The following LRRC8B variants were observed in gnomAD, a reference collection of about 807,000 sequenced individuals.
LRRC8B encodes leucine rich repeat containing 8 VRAC subunit B, also known as volume-regulated anion channel subunit LRRC8B.
Under a neutral mutation model 58.8 loss-of-function variants are expected in LRRC8B, and 23 were observed. That is an observed-to-expected ratio of 0.39 (90% CI 0.28 to 0.55). LRRC8B has a LOEUF of 0.55. LRRC8B is among the 20% of genes least tolerant of loss of function. The probability of loss-of-function intolerance (pLI) is 0.62; values close to 1 mark genes in which losing one functional copy is unlikely to be tolerated. For synonymous variants in LRRC8B, 359 were observed against 374.1 expected, an observed-to-expected ratio of 0.96 and a Z score of 0.47; for missense variants, 694 against 936.0, an observed-to-expected ratio of 0.74 and a Z score of 3.37.
intron 1 of LRRC8B, among the ~76,000 whole-genome samples, chr1:89,525,960 G>A (rs139390445): frequency 1.1e-4 from 17 of 152,254 alleles, no homozygotes; most frequent in African/African-American, 3.9e-4. Flanking sequence ...TTTGTTCAGC[G>A]TATATTAAGA....
intron 1 of LRRC8B, among the ~76,000 whole-genome samples, chr1:89,535,785 C>G (rs940631199): frequency 2.6e-5 from 4 of 151,942 alleles, no homozygotes; most frequent in Admixed American, 6.6e-5. Context: ...AAGTCTTAAT[C>G]CCACTGGAAA....
At chr1:89,585,264 G>C (rs1346489492) in intron 5 of LRRC8B, among the ~76,000 whole-genome samples, 1 of 152,266 alleles carries the variant, frequency 6.6e-6, no homozygotes, top group Non-Finnish European at 1.5e-5. Flanking sequence ...TGGTGAAAAA[G>C]ATTTGAAATC....
chr1:89,531,409 C>G (rs1363038374), intron 1 of LRRC8B, among the ~76,000 whole-genome samples: 1 of 152,116 alleles, frequency 6.6e-6, no homozygotes, highest in East Asian at 1.9e-4. Context: ...TATATACCAT[C>G]TTGAGGTAAC....
intron 1 of LRRC8B, among the ~76,000 whole-genome samples, chr1:89,541,767 C>CTCCATAACTTG (rs1651011878): frequency 7.8e-6 from 1 of 128,450 alleles, no homozygotes; most frequent in Non-Finnish European, 1.6e-5. Context: ...GTCTGAGAGA[C>CTCCATAACTTG]TCCATAACTT....
At chr1:89,528,034 T>A (rs1649828779) in intron 1 of LRRC8B, among the ~76,000 whole-genome samples, 1 of 152,224 alleles carries the variant, frequency 6.6e-6, no homozygotes, top group Non-Finnish European at 1.5e-5. Context: ...TTTTTGCTGC[T>A]TTTGATATGG....
chr1:89,556,187 C>G (rs1274501860), intron 1 of LRRC8B, among the ~76,000 whole-genome samples: 4 of 152,040 alleles, frequency 2.6e-5, no homozygotes, highest in African/African-American at 9.7e-5. Flanking sequence ...CATAAAAACC[C>G]CTAAACAATG....
chr1:89,548,664 A>G (rs1232972109), intron 1 of LRRC8B, among the ~76,000 whole-genome samples: 2 of 152,202 alleles, frequency 1.3e-5, no homozygotes, highest in East Asian at 1.9e-4. Context: ...GGGCTGAAAC[A>G]GATACTGCAA....
Position 89,582,635 on chromosome 1 carries a change from C to T in LRRC8B, c.-16C>T, listed in dbSNP as rs1654316765. On this transcript the variant is annotated 5_prime_UTR_variant, in exon 5 of 6. Transcript: ENST00000330947. ...ATTTCCCTCTTCCAGTTTCTGTCCTCCTACAAGGGAAAGTCATGATTACAC... is the reference window on the plus strand; with the variant it reads ...ATTTCCCTCTTCCAGTTTCTGTCCTTCTACAAGGGAAAGTCATGATTACAC... 6.3e-7 allele frequency: 1 copy of T among 1,583,700 alleles called. No individual in the cohort carries two copies.
chr1:89,584,929 T>C, intron 5 of LRRC8B, 140 bp downstream of exon 5: 1 of 593,074 alleles, frequency 1.7e-6, no homozygotes, highest in South Asian at 3.0e-5. Context: ...ACCAAAACAC[T>C]GAGCATCCAT....
chr1:89,553,026 C>T (rs1651935265), intron 1 of LRRC8B, among the ~76,000 whole-genome samples: 1 of 152,098 alleles, frequency 6.6e-6, no homozygotes, highest in Admixed American at 6.6e-5. Flanking sequence ...GCACACAAGC[C>T]TGTTGCTGGG....
Position 89,595,653 on chromosome 1 carries a change from A to C in LRRC8B, c.*2610A>C, listed in dbSNP as rs1486608166. The C allele has an allele frequency of 6.6e-6, 1 of 152,132 alleles. No homozygotes were observed. Among genetic ancestry groups the C allele is most frequent in the East Asian group, 1.9e-4 (1 of 5,206 alleles). 9.4% of individuals were successfully genotyped at this position (152,132 alleles called of 1,614,324 possible). A position where few individuals can be genotyped will look rare whatever the true frequency, so the allele number is the denominator to read the frequency against. ...GTTGTTCTTGATGCCATGGTTTTAC[A>C]TCTTTTAATTTAAACCTTATACACC... On this transcript the variant is annotated 3_prime_UTR_variant, in exon 6 of 6. Coordinates refer to ENST00000330947, the MANE Select transcript of LRRC8B (RefSeq NM_001369817.2).
chr1:89,553,505 A>G (rs1357402491), intron 1 of LRRC8B, among the ~76,000 whole-genome samples: 2 of 152,176 alleles, frequency 1.3e-5, no homozygotes, highest in African/African-American at 4.8e-5. Flanking sequence ...ACAGCTTCAT[A>G]CAAAATCTTT....
chr1:89,537,765 G>A (rs1261422456), intron 1 of LRRC8B, among the ~76,000 whole-genome samples: 1 of 152,110 alleles, frequency 6.6e-6, no homozygotes, highest in African/African-American at 2.4e-5. Flanking sequence ...GAGCCACCAC[G>A]CCTATCCAGG....
At chr1:89,530,812 A>G (rs779295375) in intron 1 of LRRC8B, among the ~76,000 whole-genome samples, 5 of 152,124 alleles carry the variant, frequency 3.3e-5, no homozygotes, top group Admixed American at 6.5e-5. Flanking sequence ...CACAGACAGG[A>G]ACCAGCATGG....
At chr1:89,540,944 T>G (rs1650918969) in intron 1 of LRRC8B, among the ~76,000 whole-genome samples, 1 of 152,232 alleles carries the variant, frequency 6.6e-6, no homozygotes, top group Admixed American at 6.5e-5. Flanking sequence ...TACTATAGCT[T>G]CTAACTTTTT....
chr1:89,551,700 C>T (rs1029931604), intron 1 of LRRC8B, among the ~76,000 whole-genome samples: 1 of 152,116 alleles, frequency 6.6e-6, no homozygotes. Context: ...GAGGGAGTAA[C>T]AAGAAAAGAG....
chr1:89,575,563 C>T (rs371827431), intron 3 of LRRC8B, among the ~76,000 whole-genome samples: 1 of 152,172 alleles, frequency 6.6e-6, no homozygotes, highest in Non-Finnish European at 1.5e-5. Flanking sequence ...GCCATTAAGG[C>T]TTGGAATATG....
At position 89,530,283 on chromosome 1, in the gene LRRC8B, C is replaced by T. The variant is rs552128870; in HGVS notation, c.-241+5261C>T. 8.3e-4 allele frequency among the ~76,000 whole-genome samples: 126 copies of T among 151,736 alleles called. 1 individual carries two copies. The highest frequency in any genetic ancestry group is 2.7e-3 in the African/African-American group (111 of 41,408). ...CTGAGGCAGGAGAATGGCGTGAACC[C>T]GGGAGGCGGAGCTTGCAGTGAGCCG... On this transcript the variant is annotated intron_variant, in intron 1 of 5. Transcript: ENST00000330947.
At chr1:89,580,390 C>T (rs1048019691) in intron 4 of LRRC8B, among the ~76,000 whole-genome samples, 1 of 152,210 alleles carries the variant, frequency 6.6e-6, no homozygotes, top group South Asian at 2.1e-4. Context: ...ATGTTATAAT[C>T]AGTATTTCAG....
Sources: allele counts gnomAD v4.1 joint callset (sites outside exome capture counted in the v4.1 genomes callset), GRCh38; gene constraint gnomAD v4.1.1; transcripts MANE v1.5; gene names NCBI Gene and HGNC (gene_info 2026-07-23, HGNC 2026-07-21).